KIAA0513: variants seen among roughly 807,000 people sequenced by gnomAD.
KIAA0513 encodes the protein uncharacterized protein KIAA0513.
Under a neutral mutation model 56.5 loss-of-function variants are expected in KIAA0513, and 39 were observed. The observed-to-expected ratio is 0.69, with a 90% CI of 0.53 to 0.90. KIAA0513 has a LOEUF of 0.90. Ranked by LOEUF, KIAA0513 falls within the 40% of genes least tolerant of loss-of-function variation. KIAA0513 has a pLI of 0.00. For synonymous variants in KIAA0513, 268 were observed against 215.6 expected, an observed-to-expected ratio of 1.24 and a Z score of -2.13; for missense variants, 591 against 535.2, an observed-to-expected ratio of 1.10 and a Z score of -1.03.
At chr16:85,087,285 G>A in intron 12 of KIAA0513, 119 bp downstream of exon 12, 1 of 793,474 alleles carries the variant, frequency 1.3e-6, no homozygotes, top group Non-Finnish European at 2.2e-6. Flanking sequence ...CGGAAACGTG[G>A]TGCTGAGCTC....
Position 85,071,830 on chromosome 16 carries a change from G to C in KIAA0513, c.377G>C (p.Ser126Thr). Reference protein sequence around the residue: ...EEKAKFGEYCSSENGKGREWF... With the variant: ...EEKAKFGEYCTSENGKGREWF... ...AAAGCCAAGTTTGGAGAGTACTGCA[G>C]CAGTGAAAATGGAAAAGGCCGGGAG... Residue 126 changes from serine to threonine, a missense_variant, in exon 3 of 13, where the codon AGC becomes ACC. Physicochemically the swap from Ser to Thr is moderately conservative, Grantham distance 58. Coordinates refer to ENST00000683363, the MANE Select transcript of KIAA0513 (RefSeq NM_001388359.1). The C allele has an allele frequency of 1.2e-6, 2 of 1,609,390 alleles. No homozygotes were observed. The highest frequency in any genetic ancestry group is 8.5e-7 in the Non-Finnish European group (1 of 1,179,344).
rs922483779 is a variant in KIAA0513, at chr16:85,074,303, T to C, written c.503+1305T>C. On this transcript the variant is annotated intron_variant, in intron 4 of 12. Coordinates refer to ENST00000683363, the MANE Select transcript of KIAA0513 (RefSeq NM_001388359.1). Reference sequence around the variant, plus strand: ...TTCCATTTATATATACATATATATATACACACATACACACACACACACACG... The same window carrying C: ...TTCCATTTATATATACATATATATACACACACATACACACACACACACACG... 7.3e-5 allele frequency among the ~76,000 whole-genome samples: 11 copies of C among 149,786 alleles called. 1 individual carries two copies. The highest frequency in any genetic ancestry group is 2.2e-4 in the African/African-American group (9 of 40,370).
chr16:85,041,644 G>A lies in KIAA0513; in HGVS notation c.-173+13786G>A, dbSNP rs368677061. ...CGCTACTCGGGCGCTGCCTCCATCC[G>A]TAAGGAAAGGAGAAGTGGCAGAGAC... On this transcript the variant is annotated intron_variant, in intron 1 of 12. Transcript: ENST00000683363. Among the ~76,000 whole-genome samples, 26 of 152,274 alleles carry A rather than the reference G, an allele frequency of 1.7e-4. No individual in the cohort carries two copies. In the South Asian group the frequency reaches 5.0e-3, roughly 29 times the overall value.
At chr16:85,072,100 C>G (rs1340969980) in intron 3 of KIAA0513, among the ~76,000 whole-genome samples, 2 of 152,110 alleles carry the variant, frequency 1.3e-5, no homozygotes, top group Non-Finnish European at 2.9e-5. Context: ...TGCCTGTAAT[C>G]CCAGCAGTTT....
chr16:85,034,356 G>T (rs1014793317), intron 1 of KIAA0513, among the ~76,000 whole-genome samples: 1 of 152,186 alleles, frequency 6.6e-6, no homozygotes, highest in East Asian at 1.9e-4. Context: ...CTCCAGTCTG[G>T]GCGACAAGAG....
Position 85,081,299 on chromosome 16 carries a change from G to T in KIAA0513, c.903-16G>T, listed in dbSNP as rs774365020. 6.8e-6 allele frequency: 11 copies of T among 1,612,632 alleles called. No individual in the cohort carries two copies. The highest frequency in any genetic ancestry group is 9.3e-6 in the Non-Finnish European group (11 of 1,179,268). On this transcript the variant is annotated splice_polypyrimidine_tract_variant and intron_variant, in intron 8 of 12. Transcript: ENST00000683363. This position sits in a 1 kb window ranked among gnomAD's most constrained non-coding sequence, Gnocchi z 4.4. ...CCTCCCCTTGGAGAGAGTGTGACTGGGGCTCTGTCTTGCAGGCACACTCTG... is the reference window on the plus strand; with the variant it reads ...CCTCCCCTTGGAGAGAGTGTGACTGTGGCTCTGTCTTGCAGGCACACTCTG...
intron 2 of KIAA0513, among the ~76,000 whole-genome samples, chr16:85,068,827 G>T (rs1026336364): frequency 6.6e-6 from 1 of 152,132 alleles, no homozygotes; most frequent in African/African-American, 2.4e-5. Flanking sequence ...CTCCGCCAAC[G>T]CTTGTCTCAC....
chr16:85,049,647 C>G (rs1292669527), intron 1 of KIAA0513, among the ~76,000 whole-genome samples: 1 of 152,204 alleles, frequency 6.6e-6, no homozygotes, highest in Non-Finnish European at 1.5e-5. Flanking sequence ...TGGCTGCTCC[C>G]TCTTAACCTT....
chr16:85,071,684 A>C (rs113470931), intron 2 of KIAA0513, 99 bp from the exon 3 acceptor site: 2 of 972,414 alleles, frequency 2.1e-6, no homozygotes, highest in Non-Finnish European at 3.0e-6. Context: ...TGGCTGGGGA[A>C]TATTTCGTTA....
rs59422166 is a variant in KIAA0513 at position 85,087,276 on chromosome 16, G to A, written c.1186+110G>A. 7,669 of 861,946 alleles carry A rather than the reference G, an allele frequency of 8.9e-3. 381 individuals are homozygous for A. In the African/African-American group the frequency reaches 0.11, roughly 13 times the overall value. The allele number at this position is 861,946 out of a possible 1,614,324, so 53.4% of individuals were successfully genotyped here. Reference sequence around the variant, plus strand: ...CCAGAAGGCATGTCGTGTTGCAGTCGGAAACGTGGTGCTGAGCTCTCGGCA... The same window carrying A: ...CCAGAAGGCATGTCGTGTTGCAGTCAGAAACGTGGTGCTGAGCTCTCGGCA... On this transcript the variant is annotated intron_variant, in intron 12 of 12. Coordinates refer to ENST00000683363, the MANE Select transcript of KIAA0513 (RefSeq NM_001388359.1).
At chr16:85,066,465 G>A (rs954941275) in intron 1 of KIAA0513, among the ~76,000 whole-genome samples, 1 of 152,172 alleles carries the variant, frequency 6.6e-6, no homozygotes, top group African/African-American at 2.4e-5. Context: ...CCAGGAAGGA[G>A]GAGGTCAGAG....
At position 85,087,018 on chromosome 16, in the gene KIAA0513, C is replaced by A. The variant is rs373602392; in HGVS notation, c.1092-54C>A. On this transcript the variant is annotated intron_variant, in intron 11 of 12. Transcript: ENST00000683363. Reference sequence around the variant, plus strand: ...TCCCAGAGACAAGGGCCCAGCTCCCCGGCCCTTTCCCCTGGGAGGCCAGCG... The same window carrying A: ...TCCCAGAGACAAGGGCCCAGCTCCCAGGCCCTTTCCCCTGGGAGGCCAGCG... 8,096 of 1,537,422 alleles carry A rather than the reference C, an allele frequency of 5.3e-3. 31 individuals carry two copies. Among genetic ancestry groups the A allele is most frequent in the Non-Finnish European group, 6.7e-3 (7,497 of 1,111,380 alleles).
chr16:85,066,244 G>A (rs778177900), intron 1 of KIAA0513, among the ~76,000 whole-genome samples: 12 of 152,132 alleles, frequency 7.9e-5, no homozygotes, highest in Non-Finnish European at 1.6e-4. Flanking sequence ...TGGGAATGGC[G>A]GAGGAAAAAG....
Position 85,091,676 on chromosome 16 carries a change from A to G in KIAA0513, c.*3351A>G, listed in dbSNP as rs2073869138. 6.6e-6 allele frequency: 1 copy of G among 151,906 alleles called. No homozygotes were observed. 9.4% of individuals were successfully genotyped at this position (151,906 alleles called of 1,614,324 possible). ...TTGAAACCAAACAGGCCTCTCGCTC[A>G]CTCCTCCCAGCCCAGTAATGCTGAG... On this transcript the variant is annotated 3_prime_UTR_variant, in exon 13 of 13. Transcript: ENST00000683363.
intron 1 of KIAA0513, among the ~76,000 whole-genome samples, chr16:85,032,121 G>A (rs556135074): frequency 1.3e-5 from 2 of 152,216 alleles, no homozygotes; most frequent in Non-Finnish European, 2.9e-5. Flanking sequence ...CTCAGAGGGA[G>A]ACTCTGTGCC....
intron 11 of KIAA0513, 33 bp from the exon 12 acceptor site, chr16:85,087,039 C>T (rs1305911103): frequency 1.2e-6 from 2 of 1,603,496 alleles, no homozygotes; most frequent in Admixed American, 1.7e-5. Context: ...CCTGGGAGGC[C>T]AGCGGGTGAC....
chr16:85,045,111 C>G (rs1411766697), intron 1 of KIAA0513, among the ~76,000 whole-genome samples: 1 of 151,664 alleles, frequency 6.6e-6, no homozygotes, highest in Non-Finnish European at 1.5e-5. Context: ...GAGCGAGACT[C>G]CGTCTCTAAA....
intron 1 of KIAA0513, among the ~76,000 whole-genome samples, chr16:85,058,246 C>T (rs1362641447): frequency 6.6e-6 from 1 of 152,214 alleles, no homozygotes; most frequent in Non-Finnish European, 1.5e-5. Context: ...CACTGTCACG[C>T]CTCATGTATC....
At position 85,087,132 on chromosome 16, in the gene KIAA0513, G is replaced by A; in HGVS notation, c.1152G>A (p.Leu384=). Residue 384 remains leucine, a synonymous_variant, in exon 12 of 13, where the codon CTG becomes CTA. Coordinates refer to ENST00000683363, the MANE Select transcript of KIAA0513 (RefSeq NM_001388359.1). ...GLNKKLCNDF[L]KKQAVIGNLD... is the part of the protein sequence containing the mutation. ...ACAAGAAGCTGTGCAATGACTTCCT[G>A]AAGAAGCAGGCTGTGATTGGCAACC... The A allele has an allele frequency of 6.2e-7, 1 of 1,614,214 alleles. No homozygotes were observed.
Sources: gnomAD v4.1 joint callset for allele counts (sites outside exome capture counted in the v4.1 genomes callset) on GRCh38, gnomAD v4.1.1 for gene constraint, Gnocchi (gnomAD v3.1) non-coding constraint, MANE v1.5 for transcripts, NCBI Gene and HGNC (gene_info 2026-07-23, HGNC 2026-07-21) for gene names.